The following CTNS variants were observed in gnomAD, a reference collection of about 807,000 sequenced individuals.
The protein encoded by CTNS is cystinosin.
CTNS carries 27 observed loss-of-function variants against 43.7 expected under a neutral mutation model. The ratio of observed to expected loss-of-function variants is 0.62; its 90% CI spans 0.46 to 0.85. The LOEUF (loss-of-function observed/expected upper bound fraction) is 0.85. CTNS is among the 40% of genes least tolerant of loss of function. CTNS has a pLI of 0.00. For missense variants in CTNS, 457 were observed against 475.4 expected (o/e 0.96, Z 0.36); for synonymous variants, 187 against 190.6 (o/e 0.98, Z 0.16).
rs1220302070 is a variant in CTNS at position 3,647,428 on chromosome 17, AT to A, written c.62-13del. 4 of 1,612,548 alleles carry A rather than the reference AT, an allele frequency of 2.5e-6. 1 individual carries two copies. The highest frequency in any genetic ancestry group is 3.4e-6 in the Non-Finnish European group (4 of 1,178,728). ...TCTGACCCAGTGCCTCATGTCATTGATTTGGGTCCTTCCAGAGTCAAGCGTC... is the reference window on the plus strand; with the variant it reads ...TCTGACCCAGTGCCTCATGTCATTGATTGGGTCCTTCCAGAGTCAAGCGTC... On this transcript the variant is annotated splice_polypyrimidine_tract_variant and intron_variant, in intron 3 of 11. Coordinates refer to ENST00000046640, the MANE Select transcript of CTNS (RefSeq NM_004937.3).
At chr17:3,648,787 G>C in intron 4 of CTNS, 60 bp from the exon 5 acceptor site, 1 of 1,342,098 alleles carries the variant, frequency 7.5e-7, no homozygotes, top group Non-Finnish European at 1.1e-6. Flanking sequence ...AAATCCAGAG[G>C]GTTGGTTGAG....
chr17:3,647,294 C>G, intron 3 of CTNS, 150 bp from the exon 4 acceptor site: 1 of 730,638 alleles, frequency 1.4e-6, no homozygotes, highest in Non-Finnish European at 2.5e-6. Flanking sequence ...GGAAGCTAAC[C>G]AGGGCCTGTG....
intron 3 of CTNS, 120 bp downstream of exon 3, chr17:3,640,387 C>A: frequency 8.6e-7 from 1 of 1,162,306 alleles, no homozygotes; most frequent in Non-Finnish European, 1.3e-6. Flanking sequence ...TCTCTGTCTG[C>A]CTCTTGGCCA....
intron 5 of CTNS, among the ~76,000 whole-genome samples, chr17:3,649,214 C>A (rs1211748709): frequency 6.6e-6 from 1 of 152,162 alleles, no homozygotes; most frequent in Admixed American, 6.6e-5. Flanking sequence ...TCTGGGAGGC[C>A]AAGGTGAGCG....
intron 5 of CTNS, among the ~76,000 whole-genome samples, chr17:3,654,040 G>A (rs1412677484): frequency 6.6e-6 from 1 of 152,166 alleles, no homozygotes; most frequent in Non-Finnish European, 1.5e-5. Flanking sequence ...CCTCTGCTTT[G>A]TCACTTGGCA....
intron 9 of CTNS, chr17:3,657,045 T>A: frequency 1.8e-6 from 1 of 542,476 alleles, no homozygotes; most frequent in Non-Finnish European, 3.3e-6. Context: ...CACAGACAGC[T>A]CATGGAGGAG....
At chr17:3,640,378 CTCTG>C in intron 3 of CTNS, 111 bp downstream of exon 3, 1 of 1,190,658 alleles carries the variant, frequency 8.4e-7, no homozygotes, top group Non-Finnish European at 1.3e-6. Flanking sequence ...GACCACATGT[CTCTG>C]TCTGCCTCTT....
At chr17:3,655,937 G>A in intron 7 of CTNS, 1 of 263,240 alleles carries the variant, frequency 3.8e-6, no homozygotes, top group South Asian at 4.4e-5. Flanking sequence ...GGATTAGGTG[G>A]CATCCGTGGT....
At chr17:3,637,629 G>T (rs1018368576) in intron 2 of CTNS, among the ~76,000 whole-genome samples, 8 of 152,096 alleles carry the variant, frequency 5.3e-5, no homozygotes, top group Non-Finnish European at 1.0e-4. Context: ...ACCATGCCCA[G>T]CTAATTTTTG....
At chr17:3,651,382 C>G (rs1321237487) in intron 5 of CTNS, among the ~76,000 whole-genome samples, 1 of 152,132 alleles carries the variant, frequency 6.6e-6, no homozygotes, top group Non-Finnish European at 1.5e-5. Flanking sequence ...GGAGCCACCA[C>G]GCCTGGCCAA....
At chr17:3,658,844 C>T (rs368896926) in intron 10 of CTNS, among the ~76,000 whole-genome samples, 7 of 152,124 alleles carry the variant, frequency 4.6e-5, no homozygotes, top group South Asian at 2.1e-4. Context: ...GGAGCCCGGG[C>T]GTTCCGGGCC....
At chr17:3,643,821 C>T (rs1163597745) in intron 3 of CTNS, among the ~76,000 whole-genome samples, 1 of 152,180 alleles carries the variant, frequency 6.6e-6, no homozygotes, top group Non-Finnish European at 1.5e-5. Context: ...ACCGCCTCAG[C>T]CTCCCAAAGT....
chr17:3,657,308 G>A (rs936555677), intron 9 of CTNS, among the ~76,000 whole-genome samples: 1 of 152,198 alleles, frequency 6.6e-6, no homozygotes, highest in Non-Finnish European at 1.5e-5. Context: ...GGGCCCGCGT[G>A]CAGGCGGAGA....
chr17:3,644,661 T>A (rs1468898540), intron 3 of CTNS, among the ~76,000 whole-genome samples: 1 of 152,180 alleles, frequency 6.6e-6, no homozygotes, highest in African/African-American at 2.4e-5. Flanking sequence ...AGACAGGGTT[T>A]CACTATGTTA....
chr17:3,655,008 C>A lies in CTNS; in HGVS notation c.236C>A (p.Pro79His), dbSNP rs2076092666. 1 of 1,613,170 alleles carries A rather than the reference C, an allele frequency of 6.2e-7. No homozygotes were observed. Residue 79 changes from proline to histidine, a missense_variant, in exon 6 of 12, where the codon CCT becomes CAT. By Grantham distance (77) the Pro-to-His change is moderately conservative. Transcript: ENST00000046640. ...CAGTCTTCCTAACAGGTTGTGGTGC[C>A]TCCTGGAGTGACAAACTCCTCTTTT... The part of the protein sequence containing the change: ...ILELPDEVVV[P>H]PGVTNSSFQV...
intron 11 of CTNS, 103 bp downstream of exon 11, chr17:3,660,078 C>G: frequency 7.0e-7 from 1 of 1,438,146 alleles, no homozygotes; most frequent in Admixed American, 1.7e-5. Context: ...ACCTGGGATC[C>G]AAGCCAATCC....
intron 3 of CTNS, among the ~76,000 whole-genome samples, chr17:3,646,689 G>T (rs2075851069): frequency 6.6e-6 from 1 of 152,112 alleles, no homozygotes; most frequent in Admixed American, 6.5e-5. Flanking sequence ...CTCCCGCCTT[G>T]GCCTCCCAAA....
chr17:3,642,019 G>A (rs1273940729), intron 3 of CTNS, among the ~76,000 whole-genome samples: 2 of 126,638 alleles, frequency 1.6e-5, no homozygotes, highest in African/African-American at 2.7e-5. Flanking sequence ...GGGAGTGTGC[G>A]CGCGCGTGTA....
chr17:3,654,723 G>A (rs2076082520), intron 5 of CTNS, among the ~76,000 whole-genome samples: 1 of 151,564 alleles, frequency 6.6e-6, no homozygotes, highest in Admixed American at 6.6e-5. Flanking sequence ...GGCCAGGCGC[G>A]GTGGCTCACA....
Sources: gnomAD v4.1 joint callset for allele counts (sites outside exome capture counted in the v4.1 genomes callset) on GRCh38, gnomAD v4.1.1 for gene constraint, MANE v1.5 for transcripts, NCBI Gene and HGNC (gene_info 2026-07-23, HGNC 2026-07-21) for gene names.